Variants in DNAI7 observed in about 807,000 individuals in gnomAD.
DNAI7 encodes cancer susceptibility 1.
DNAI7 carries 78 observed loss-of-function variants against 86.6 expected under a neutral mutation model. That is an observed-to-expected ratio of 0.90 (90% CI 0.75 to 1.09). The LOEUF (loss-of-function observed/expected upper bound fraction) is 1.09. DNAI7 is among the 50% of genes least tolerant of loss of function. The pLI is 0.00. For synonymous variants in DNAI7, 274 were observed against 273.0 expected (o/e 1.00, Z -0.04); for missense variants, 753 against 810.2 (o/e 0.93, Z 0.86).
At chr12:25,142,465 T>G (rs1244344787) in intron 9 of DNAI7, among the ~76,000 whole-genome samples, 1 of 151,510 alleles carries the variant, frequency 6.6e-6, no homozygotes, top group Non-Finnish European at 1.5e-5. Flanking sequence ...TGTAACCAAA[T>G]GCCACCTGTT....
chr12:25,156,609 C>T (rs528468803), intron 4 of DNAI7, among the ~76,000 whole-genome samples: 2 of 151,906 alleles, frequency 1.3e-5, no homozygotes, highest in South Asian at 4.2e-4. Context: ...GGCGCGGTGG[C>T]GGGTGCCTGT....
rs1353376293 is a variant in DNAI7 at position 25,108,754 on chromosome 12, T to TGTCA, written c.1959_1962dup (p.Arg655Ter). 2.7e-5 allele frequency: 41 copies of TGTCA among 1,490,942 alleles called. No individual in the cohort carries two copies. Among genetic ancestry groups the TGTCA allele is most frequent in the Non-Finnish European group, 3.7e-5 (41 of 1,106,794 alleles). 92.4% of individuals were successfully genotyped at this position (1,490,942 alleles called of 1,614,324 possible). A position where few individuals can be genotyped will look rare whatever the true frequency, so the allele number is the denominator to read the frequency against. ...TCCTTGATCTTCAGTCTTTGTGCTC[T>TGTCA]GTCACCACTAAACATTAAAAGGGCC... On this transcript the variant is annotated stop_gained and frameshift_variant, in exon 16 of 16. Coordinates refer to ENST00000395987, the MANE Select transcript of DNAI7 (RefSeq NM_018272.5). LOFTEE classifies it low-confidence loss of function (END_TRUNC).
intron 9 of DNAI7, among the ~76,000 whole-genome samples, chr12:25,131,924 C>T (rs955243725): frequency 6.6e-6 from 1 of 151,986 alleles, no homozygotes; most frequent in South Asian, 2.1e-4. Flanking sequence ...GTGTTTAAGG[C>T]AACAATTATA....
chr12:25,139,222 AT>A (rs1222294462), intron 9 of DNAI7, among the ~76,000 whole-genome samples: 1 of 152,052 alleles, frequency 6.6e-6, no homozygotes, highest in Non-Finnish European at 1.5e-5. Flanking sequence ...TTAAAAAAAA[AT>A]TACCAATAAA....
chr12:25,172,363 T>C (rs899545947), intron 2 of DNAI7, among the ~76,000 whole-genome samples: 1 of 151,220 alleles, frequency 6.6e-6, no homozygotes, highest in Non-Finnish European at 1.5e-5. Flanking sequence ...GCTGCAAAAA[T>C]AAAATAAAAT....
At chr12:25,139,383 C>T (rs769092924) in intron 9 of DNAI7, among the ~76,000 whole-genome samples, 1 of 152,122 alleles carries the variant, frequency 6.6e-6, no homozygotes, top group Non-Finnish European at 1.5e-5. Flanking sequence ...CACCCTAATA[C>T]CAAAACCAGG....
intron 14 of DNAI7, among the ~76,000 whole-genome samples, chr12:25,111,325 G>A (rs17387019): frequency 0.057 from 8,622 of 152,212 alleles, 334 homozygotes; most frequent in Non-Finnish European, 0.085. Flanking sequence ...GCCTTATGAC[G>A]AACATGAAAC....
intron 4 of DNAI7, among the ~76,000 whole-genome samples, chr12:25,156,296 T>G (rs1294034863): frequency 1.3e-5 from 2 of 152,196 alleles, no homozygotes; most frequent in Non-Finnish European, 2.9e-5. Context: ...TTTGACTAAT[T>G]TGGTAGACAT....
chr12:25,184,488 A>T (rs749010301), intron 2 of DNAI7, among the ~76,000 whole-genome samples: 44 of 152,302 alleles, frequency 2.9e-4, no homozygotes, highest in Non-Finnish European at 5.1e-4. Flanking sequence ...TCCAATGCAT[A>T]GATATACCAA....
At chr12:25,183,136 G>A (rs1409551233) in intron 2 of DNAI7, among the ~76,000 whole-genome samples, 1 of 151,994 alleles carries the variant, frequency 6.6e-6, no homozygotes, top group Non-Finnish European at 1.5e-5. Flanking sequence ...AATTAAAGCA[G>A]AAACAGAAAA....
chr12:25,108,737 C>A lies in DNAI7; in HGVS notation c.1980G>T (p.Lys660Asn). The change falls in exon 16 of 16, where the codon AAG (lysine) becomes AAT (asparagine). Residue 660 changes from lysine (K) to asparagine (N), a missense_variant. Lys to Asn is a moderately conservative substitution (Grantham distance 94). Coordinates refer to ENST00000395987, the MANE Select transcript of DNAI7 (RefSeq NM_018272.5). ...MFSGDRAQRL[K>N]IKEESEAFSE... is the part of the protein sequence containing the mutation. ...AAAATGCCTCACTCTCTTCCTTGAT[C>A]TTCAGTCTTTGTGCTCTGTCACCAC... 1 of 1,588,736 alleles carries A rather than the reference C, an allele frequency of 6.3e-7. No individual in the cohort carries two copies. The highest frequency in any genetic ancestry group is 1.1e-5 in the South Asian group (1 of 90,604).
chr12:25,159,177 G>A (rs1946559362), intron 3 of DNAI7, among the ~76,000 whole-genome samples: 1 of 152,198 alleles, frequency 6.6e-6, no homozygotes, highest in African/African-American at 2.4e-5. Context: ...AAATGATGTA[G>A]GAGTGGCTCC....
At chr12:25,157,092 C>T (rs1273773668) in intron 4 of DNAI7, among the ~76,000 whole-genome samples, 2 of 151,780 alleles carry the variant, frequency 1.3e-5, no homozygotes, top group Non-Finnish European at 2.9e-5. Flanking sequence ...ATTGAGACCA[C>T]GGTGAAAGCC....
intron 14 of DNAI7, 146 bp from the exon 15 acceptor site, chr12:25,110,386 GC>G (rs1340881498): frequency 3.3e-6 from 2 of 607,532 alleles, no homozygotes; most frequent in Non-Finnish European, 5.9e-6. Flanking sequence ...TCAACACTGG[GC>G]AATGGCTTTC....
At chr12:25,120,111 T>C (rs1592226551) in intron 11 of DNAI7, among the ~76,000 whole-genome samples, 1 of 152,110 alleles carries the variant, frequency 6.6e-6, no homozygotes, top group Non-Finnish European at 1.5e-5. Flanking sequence ...GGCTGGGACC[T>C]TATGGATAAA....
At chr12:25,169,538 C>T (rs1186073222) in intron 2 of DNAI7, among the ~76,000 whole-genome samples, 2 of 152,102 alleles carry the variant, frequency 1.3e-5, no homozygotes, top group Admixed American at 6.5e-5. Context: ...ATATAAATGG[C>T]CTAAATGCTC....
At chr12:25,124,018 T>C (rs1941707777) in intron 9 of DNAI7, among the ~76,000 whole-genome samples, 1 of 105,542 alleles carries the variant, frequency 9.5e-6, no homozygotes, top group Non-Finnish European at 2.2e-5. Context: ...AATGCAGTGT[T>C]GCTAGTATAA....
chr12:25,147,181 C>T lies in DNAI7; in HGVS notation c.586-77G>A, dbSNP rs1156509052. 4.0e-6 allele frequency: 3 copies of T among 745,528 alleles called. No individual in the cohort carries two copies. The East Asian group carries it at 7.7e-5, about 19-fold the overall frequency. 46.2% of individuals were successfully genotyped at this position (745,528 alleles called of 1,614,324 possible). ...ACAAATTAGATAAGTTACTTTATCA[C>T]TTATGTGTTGGATTCCCTTTATTAA... On this transcript the variant is annotated intron_variant, in intron 7 of 15. Coordinates refer to ENST00000395987, the MANE Select transcript of DNAI7 (RefSeq NM_018272.5).
At position 25,119,202 on chromosome 12, in the gene DNAI7, C is replaced by G; in HGVS notation, c.1339G>C (p.Val447Leu). 6.2e-7 allele frequency: 1 copy of G among 1,613,126 alleles called. No individual in the cohort carries two copies. Among genetic ancestry groups the G allele is most frequent in the Non-Finnish European group, 8.5e-7 (1 of 1,179,528 alleles). Residue 447 changes from valine (V) to leucine (L), a missense_variant, in exon 12 of 16, where the codon GTT (valine) becomes CTT (leucine). Coordinates refer to ENST00000395987, the MANE Select transcript of DNAI7 (RefSeq NM_018272.5). ...TCAAAAAAGATTACATTCTCATGAA[C>G]CTCAAGTGTGACCTCTATAGGTGGG... ...AFPPIEVTLE[V>L]HENVIFFEDP... is the part of the protein sequence containing the mutation.
Sources: allele counts gnomAD v4.1 joint callset (sites outside exome capture counted in the v4.1 genomes callset), GRCh38; gene constraint gnomAD v4.1.1; transcripts MANE v1.5; gene names NCBI Gene and HGNC (gene_info 2026-07-23, HGNC 2026-07-21).